ENOSF1: variants seen among roughly 807,000 people sequenced by gnomAD.
ENOSF1 encodes the protein enolase superfamily member 1, also known as mitochondrial enolase superfamily member 1.
ENOSF1 carries 73 observed loss-of-function variants against 68.2 expected under a neutral mutation model. That is an observed-to-expected ratio of 1.07 (90% CI 0.89 to 1.30). The LOEUF is 1.30. Among genes scored for constraint, ENOSF1 ranks in the 50% most tolerant of loss-of-function variants. The probability of loss-of-function intolerance (pLI) is 0.00; values close to 1 mark genes in which losing one functional copy is unlikely to be tolerated. For synonymous variants in ENOSF1, 223 were observed against 210.4 expected, an observed-to-expected ratio of 1.06 and a Z score of -0.52; for missense variants, 589 against 554.5, an observed-to-expected ratio of 1.06 and a Z score of -0.62.
Position 672,237 on chromosome 18 carries a change from A to C in ENOSF1, c.*2068T>G, listed in dbSNP as rs1363845387. ...ATGAGCCTTAAGGAAAAAAACTCAG[A>C]ACCAGACACTTTTTAGCCCCTTCCA... On this transcript the variant is annotated 3_prime_UTR_variant, in exon 16 of 16. Transcript: ENST00000647584. 6.6e-6 allele frequency: 1 copy of C among 152,246 alleles called. No individual in the cohort carries two copies. The highest frequency in any genetic ancestry group is 2.4e-5 in the African/African-American group (1 of 41,460). The allele number at this position is 152,246 out of a possible 1,614,324, so 9.4% of individuals were successfully genotyped here. A position where few individuals can be genotyped will look rare whatever the true frequency, so the allele number is the denominator to read the frequency against.
chr18:688,602 C>G lies in ENOSF1; in HGVS notation c.625G>C (p.Ala209Pro). ...GTCCAGCCATCCTTCAGCGCCTGGG[C>G]ACAGAGCTGTGGGAAAGGAGCACAG... ...YSDDTLKQLC[A>P]QALKDGWTRF... is the part of the protein sequence containing the mutation. The change falls in exon 9 of 16, where the codon GCC (alanine) becomes CCC (proline). Residue 209 changes from alanine to proline, a missense_variant. By Grantham distance (27) the Ala-to-Pro change is conservative. Coordinates refer to ENST00000647584, the MANE Select transcript of ENOSF1 (RefSeq NM_017512.7). The G allele has an allele frequency of 6.2e-7, 1 of 1,614,038 alleles. No individual in the cohort carries two copies. The highest frequency in any genetic ancestry group is 8.5e-7 in the Non-Finnish European group (1 of 1,179,990).
At chr18:708,208 G>A (rs548875449) in intron 1 of ENOSF1, among the ~76,000 whole-genome samples, 150 of 152,216 alleles carry the variant, frequency 9.9e-4, no homozygotes, top group Non-Finnish European at 1.7e-3. Flanking sequence ...TTGGGGTGTC[G>A]TGGCTGAGGG....
intron 1 of ENOSF1, among the ~76,000 whole-genome samples, chr18:706,972 C>A (rs1401376146): frequency 6.6e-6 from 1 of 151,708 alleles, no homozygotes; most frequent in Non-Finnish European, 1.5e-5. Context: ...GCACGTGCCA[C>A]CACACTTGGC....
intron 11 of ENOSF1, among the ~76,000 whole-genome samples, chr18:680,676 GTTTTTTTTT>G (rs33931715): frequency 7.9e-5 from 8 of 101,034 alleles, no homozygotes; most frequent in Admixed American, 5.7e-4. Flanking sequence ...ATGCTGTTGT[GTTTTTTTTT>G]TTTTTTTTTT....
chr18:663,409 G>A, the ENOSF1 span, among the ~76,000 whole-genome samples: 1 of 102,034 alleles, frequency 9.8e-6, no homozygotes. Context: ...GTAGATTCTG[G>A]ATATTAGCTC....
chr18:693,119 G>T (rs2077371021), intron 5 of ENOSF1: 2 of 1,288,940 alleles, frequency 1.6e-6, no homozygotes, highest in Admixed American at 4.6e-5. Flanking sequence ...GGGGTCTGAA[G>T]CTCATTCCCC....
chr18:712,594 T>C lies in ENOSF1; in HGVS notation c.-7A>G, dbSNP rs764342916. ...AGATCCTGCCGCGCACCATGGCCCC[T>C]GCGCCCCGTGGCCGCGGCCCCCGTG... On this transcript the variant is annotated 5_prime_UTR_variant, in exon 1 of 16. Transcript: ENST00000647584. The C allele has an allele frequency of 1.5e-5, 20 of 1,305,944 alleles. No homozygotes were observed. In the Admixed American group the frequency reaches 4.4e-4, roughly 28 times the overall value. The allele number at this position is 1,305,944 out of a possible 1,614,324, so 80.9% of individuals were successfully genotyped here. A position where few individuals can be genotyped will look rare whatever the true frequency, so the allele number is the denominator to read the frequency against.
chr18:692,615 G>T, intron 5 of ENOSF1: 16 of 739,074 alleles, frequency 2.2e-5, no homozygotes, highest in Non-Finnish European at 2.4e-5. Flanking sequence ...AAAAAAGAAA[G>T]AAAGAAAAAA....
chr18:690,341 C>T (rs995554067), intron 8 of ENOSF1, among the ~76,000 whole-genome samples: 6 of 152,166 alleles, frequency 3.9e-5, no homozygotes, highest in Non-Finnish European at 8.8e-5. Context: ...GAGGCTAGTT[C>T]CAGGTATGTG....
intron 1 of ENOSF1, among the ~76,000 whole-genome samples, chr18:709,603 T>C (rs1280138531): frequency 6.6e-6 from 1 of 152,028 alleles, no homozygotes; most frequent in East Asian, 1.9e-4. Context: ...AAACCCCGTC[T>C]CTACCAAAAA....
chr18:705,315 G>A (rs553488332), intron 2 of ENOSF1, among the ~76,000 whole-genome samples: 33 of 152,264 alleles, frequency 2.2e-4, no homozygotes, highest in Admixed American at 1.4e-3. Context: ...TTGATCTGGC[G>A]AAGGCCACTG....
chr18:678,021 G>A (rs1270412098), intron 12 of ENOSF1, 149 bp from the exon 13 acceptor site: 4 of 935,402 alleles, frequency 4.3e-6, no homozygotes, highest in East Asian at 2.8e-5. Context: ...TGTTCTCGCT[G>A]GGCATGAGGC....
intron 10 of ENOSF1, among the ~76,000 whole-genome samples, chr18:684,179 T>C (rs955166664): frequency 2.0e-5 from 3 of 151,748 alleles, no homozygotes; most frequent in Non-Finnish European, 4.4e-5. Context: ...GTATTTTTAG[T>C]AGAGACGGGG....
intron 1 of ENOSF1, among the ~76,000 whole-genome samples, chr18:708,392 C>T (rs185858819): frequency 2.0e-3 from 309 of 151,894 alleles, no homozygotes; most frequent in Middle Eastern, 6.8e-3. Context: ...GCTTATAGAA[C>T]GGGCATGCTG....
the ENOSF1 span, among the ~76,000 whole-genome samples, chr18:664,311 C>G: frequency 6.7e-6 from 1 of 150,302 alleles, no homozygotes; most frequent in Non-Finnish European, 1.5e-5. Context: ...TGATTTGGCT[C>G]TCTGTTTGTC....
At chr18:674,646 G>A (rs1004175559) in intron 15 of ENOSF1, among the ~76,000 whole-genome samples, 1 of 152,014 alleles carries the variant, frequency 6.6e-6, no homozygotes, top group Non-Finnish European at 1.5e-5. Context: ...AGCCTCCCAT[G>A]TAGCTGGGAT....
Position 672,491 on chromosome 18 carries a change from G to T in ENOSF1, c.*1814C>A. ...ATGCATGTCATCTTTCCTTCTTTCTGCCAGGGACAGATGGGTTAGGGATTG... is the reference window on the plus strand; with the variant it reads ...ATGCATGTCATCTTTCCTTCTTTCTTCCAGGGACAGATGGGTTAGGGATTG... On this transcript the variant is annotated 3_prime_UTR_variant, in exon 16 of 16. Transcript: ENST00000647584. 1 of 161,888 alleles carries T rather than the reference G, an allele frequency of 6.2e-6. No individual in the cohort carries two copies. The allele number at this position is 161,888 out of a possible 1,614,324, so 10.0% of individuals were successfully genotyped here.
chr18:706,128 C>T (rs181248929), intron 2 of ENOSF1, among the ~76,000 whole-genome samples: 102 of 152,238 alleles, frequency 6.7e-4, no homozygotes, highest in African/African-American at 2.3e-3. Flanking sequence ...TACTCGCCCA[C>T]TACAGGTTGT....
chr18:679,296 AC>A (rs1311059277), intron 11 of ENOSF1, among the ~76,000 whole-genome samples: 3 of 135,108 alleles, frequency 2.2e-5, no homozygotes, highest in Non-Finnish European at 4.7e-5. Flanking sequence ...CGCAACCTCC[AC>A]CCCCCAGGCT....
Sources: gnomAD v4.1 joint callset for allele counts (sites outside exome capture counted in the v4.1 genomes callset) on GRCh38, gnomAD v4.1.1 for gene constraint, MANE v1.5 for transcripts, NCBI Gene and HGNC (gene_info 2026-07-23, HGNC 2026-07-21) for gene names.